Variants in RIT2 observed in about 807,000 individuals in gnomAD.
RIT2 encodes Ras like without CAAX 2, also known as GTP-binding protein Rit2.
In RIT2, 24 loss-of-function variants were observed where a neutral mutation model predicts 23.7. The ratio of observed to expected loss-of-function variants is 1.01; its 90% CI spans 0.73 to 1.43. RIT2 has a LOEUF of 1.43. RIT2 is among the 40% of genes most tolerant of loss of function. The probability of loss-of-function intolerance (pLI) is 0.00; values close to 1 mark genes in which losing one functional copy is unlikely to be tolerated. For missense variants in RIT2, 236 were observed against 266.9 expected (o/e 0.88, Z 0.81); for synonymous variants, 107 against 91.1 (o/e 1.17, Z -0.99).
chr18:43,023,459 G>A (rs772462290), intron 2 of RIT2, among the ~76,000 whole-genome samples: 49 of 151,908 alleles, frequency 3.2e-4, no homozygotes, highest in African/African-American at 7.0e-4. Flanking sequence ...CTTATAGTTC[G>A]ATTAATTCCT....
At chr18:42,815,923 T>C (rs898159238) in intron 4 of RIT2, among the ~76,000 whole-genome samples, 3 of 152,134 alleles carry the variant, frequency 2.0e-5, no homozygotes, top group African/African-American at 7.2e-5. Context: ...ATAACAACCA[T>C]AGACTATACA....
At chr18:42,813,331 T>C (rs770324796) in intron 4 of RIT2, among the ~76,000 whole-genome samples, 51 of 152,156 alleles carry the variant, frequency 3.4e-4, no homozygotes, top group Non-Finnish European at 1.3e-4. Context: ...TAATAGGCCA[T>C]GTATTTTGAA....
chr18:42,877,323 C>G (rs945881976), intron 4 of RIT2, among the ~76,000 whole-genome samples: 2 of 151,466 alleles, frequency 1.3e-5, no homozygotes, highest in Non-Finnish European at 3.0e-5. Flanking sequence ...TTTCAGGTGA[C>G]TTTAAAATTT....
intron 4 of RIT2, among the ~76,000 whole-genome samples, chr18:42,855,565 G>A (rs993360197): frequency 6.6e-6 from 1 of 152,060 alleles, no homozygotes; most frequent in Non-Finnish European, 1.5e-5. Flanking sequence ...AGTAGAAAGG[G>A]GGTAAATGCC....
At chr18:42,883,886 T>C (rs1907955738) in intron 4 of RIT2, among the ~76,000 whole-genome samples, 1 of 152,290 alleles carries the variant, frequency 6.6e-6, no homozygotes, top group African/African-American at 2.4e-5. Flanking sequence ...CCTAAAATGA[T>C]ATAGCCCATT....
intron 1 of RIT2, among the ~76,000 whole-genome samples, chr18:43,076,485 T>G (rs528047797): frequency 3.9e-5 from 6 of 152,144 alleles, no homozygotes; most frequent in African/African-American, 1.4e-4. Flanking sequence ...GTTCTAATGA[T>G]GTATATGTTG....
At chr18:42,991,593 C>T (rs1009740834) in intron 2 of RIT2, among the ~76,000 whole-genome samples, 3 of 151,980 alleles carry the variant, frequency 2.0e-5, no homozygotes, top group Non-Finnish European at 4.4e-5. Context: ...GATGACATTC[C>T]ACCACAAAAG....
At position 42,824,393 on chromosome 18, in the gene RIT2, A is replaced by C. The variant is rs559745494; in HGVS notation, c.427-80673T>G. 5.3e-5 allele frequency among the ~76,000 whole-genome samples: 8 copies of C among 152,174 alleles called. No individual in the cohort carries two copies. The South Asian group carries it at 1.7e-3, about 31-fold the overall frequency. Reference sequence around the variant, plus strand: ...GAAGATGTGTTCCACTTTCATTACCACTGTCCATTCTTTCTTGGAATTAAG... The same window carrying C: ...GAAGATGTGTTCCACTTTCATTACCCCTGTCCATTCTTTCTTGGAATTAAG... On this transcript the variant is annotated intron_variant, in intron 4 of 4. Coordinates refer to ENST00000326695, the MANE Select transcript of RIT2 (RefSeq NM_002930.4).
At chr18:42,980,084 C>G (rs1308225791) in intron 2 of RIT2, among the ~76,000 whole-genome samples, 1 of 152,054 alleles carries the variant, frequency 6.6e-6, no homozygotes, top group African/African-American at 2.4e-5. Flanking sequence ...TGGGCCTAAA[C>G]ATTCAGTGAA....
At chr18:42,937,889 G>C (rs1380579131) in intron 3 of RIT2, among the ~76,000 whole-genome samples, 1 of 152,082 alleles carries the variant, frequency 6.6e-6, no homozygotes, top group Non-Finnish European at 1.5e-5. Flanking sequence ...AAGAGGCAAG[G>C]GATTGGCTAT....
At chr18:43,044,878 G>T (rs566929349) in intron 1 of RIT2, among the ~76,000 whole-genome samples, 2 of 152,246 alleles carry the variant, frequency 1.3e-5, no homozygotes, top group African/African-American at 2.4e-5. Context: ...CTAATGGAAA[G>T]AAATTGTGCT....
At chr18:43,112,237 T>G (rs1010613214) in intron 1 of RIT2, among the ~76,000 whole-genome samples, 1 of 152,170 alleles carries the variant, frequency 6.6e-6, no homozygotes, top group African/African-American at 2.4e-5. Context: ...AGATAAAACA[T>G]CACAGAACTC....
intron 3 of RIT2, among the ~76,000 whole-genome samples, chr18:42,956,980 T>C (rs1038557607): frequency 1.3e-5 from 2 of 152,148 alleles, no homozygotes; most frequent in Non-Finnish European, 2.9e-5. Context: ...TTACTGATAA[T>C]TCAGGCAAAG....
intron 4 of RIT2, among the ~76,000 whole-genome samples, chr18:42,795,333 G>T (rs983790923): frequency 6.6e-6 from 1 of 152,198 alleles, no homozygotes; most frequent in Non-Finnish European, 1.5e-5. Context: ...GGAACAGACG[G>T]CCGACCCTGC....
At chr18:43,036,401 G>A (rs1309593706) in intron 1 of RIT2, among the ~76,000 whole-genome samples, 1 of 152,082 alleles carries the variant, frequency 6.6e-6, no homozygotes, top group Non-Finnish European at 1.5e-5. Context: ...TCAGCCGGGC[G>A]TGGTGGCGCA....
intron 2 of RIT2, among the ~76,000 whole-genome samples, chr18:42,997,284 T>C (rs921040603): frequency 6.6e-6 from 1 of 152,160 alleles, no homozygotes; most frequent in Non-Finnish European, 1.5e-5. Flanking sequence ...ATTTTTGTTT[T>C]TTATTTTTTT....
At chr18:43,023,038 G>A (rs532919606) in intron 2 of RIT2, among the ~76,000 whole-genome samples, 4 of 152,176 alleles carry the variant, frequency 2.6e-5, no homozygotes, top group African/African-American at 7.2e-5. Context: ...CGTGAAAGAT[G>A]TGTTATGCAT....
At chr18:42,891,500 C>A (rs556395708) in intron 4 of RIT2, among the ~76,000 whole-genome samples, 1 of 152,070 alleles carries the variant, frequency 6.6e-6, no homozygotes, top group Non-Finnish European at 1.5e-5. Flanking sequence ...ACCATGATGT[C>A]CTGCAGTAGG....
At chr18:43,033,166 G>A (rs1440980317) in intron 2 of RIT2, among the ~76,000 whole-genome samples, 1 of 152,126 alleles carries the variant, frequency 6.6e-6, no homozygotes, top group South Asian at 2.1e-4. Flanking sequence ...TTTTGAATGA[G>A]TAAAGCAATT....
Sources: gnomAD v4.1 joint callset for allele counts (sites outside exome capture counted in the v4.1 genomes callset) on GRCh38, gnomAD v4.1.1 for gene constraint, MANE v1.5 for transcripts, NCBI Gene and HGNC (gene_info 2026-07-23, HGNC 2026-07-21) for gene names.